Variants in SLC30A8 observed in about 807,000 individuals in gnomAD.
SLC30A8 encodes proton-coupled zinc antiporter SLC30A8.
Under a neutral mutation model 36.9 loss-of-function variants are expected in SLC30A8, and 27 were observed. The ratio of observed to expected loss-of-function variants is 0.73; its 90% CI spans 0.54 to 1.01. The LOEUF is 1.01. SLC30A8 is among the 50% of genes least tolerant of loss of function. The pLI is 0.00. For synonymous variants in SLC30A8, 164 were observed against 172.4 expected (o/e 0.95, Z 0.38); for missense variants, 439 against 452.0 (o/e 0.97, Z 0.26).
chr8:116,979,533 T>C (rs1815184394), intron 1 of SLC30A8, among the ~76,000 whole-genome samples: 1 of 152,184 alleles, frequency 6.6e-6, no homozygotes, highest in Non-Finnish European at 1.5e-5. Context: ...GTACTGGTGG[T>C]CTCAGACCCA....
intron 4 of SLC30A8, among the ~76,000 whole-genome samples, chr8:117,158,974 A>T (rs796756310): frequency 6.6e-6 from 1 of 152,244 alleles, no homozygotes; most frequent in Admixed American, 6.5e-5. Context: ...GTGGGTCCAC[A>T]TAATGACAAG....
At chr8:117,101,835 G>A (rs12677692) in intron 2 of SLC30A8, among the ~76,000 whole-genome samples, 8,968 of 152,236 alleles carry the variant, frequency 0.059, 306 homozygotes, top group East Asian at 0.12. Context: ...TCAGCTTTGG[G>A]ATTTAGACTG....
intron 2 of SLC30A8, among the ~76,000 whole-genome samples, chr8:117,077,139 G>A (rs1431411730): frequency 6.6e-6 from 1 of 152,172 alleles, no homozygotes; most frequent in African/African-American, 2.4e-5. Context: ...GGTTACTCCT[G>A]TCTGAGCTCT....
chr8:117,033,817 C>T (rs1437521644), intron 1 of SLC30A8, among the ~76,000 whole-genome samples: 14 of 152,138 alleles, frequency 9.2e-5, no homozygotes, highest in Non-Finnish European at 2.1e-4. Flanking sequence ...CAAAACCTTC[C>T]TTGAAGTCTT....
chr8:117,144,106 C>T (rs1446386725), intron 1 of SLC30A8, among the ~76,000 whole-genome samples: 2 of 152,036 alleles, frequency 1.3e-5, no homozygotes, highest in Admixed American at 6.6e-5. Flanking sequence ...TCTTCTCAGC[C>T]CAAGGAAACA....
chr8:116,966,641 G>C (rs1814609565), intron 1 of SLC30A8, among the ~76,000 whole-genome samples: 1 of 152,076 alleles, frequency 6.6e-6, no homozygotes, highest in South Asian at 2.1e-4. Context: ...AATTATAAGG[G>C]GATAAGATTC....
intron 4 of SLC30A8, among the ~76,000 whole-genome samples, chr8:117,160,626 AGAAT>A (rs1182758288): frequency 6.6e-6 from 1 of 152,232 alleles, no homozygotes; most frequent in African/African-American, 2.4e-5. Context: ...GATGAGTAAA[AGAAT>A]GAATGACAAC....
chr8:117,137,931 CA>C (rs1366957558), intron 1 of SLC30A8, among the ~76,000 whole-genome samples: 1 of 151,718 alleles, frequency 6.6e-6, no homozygotes, highest in African/African-American at 2.4e-5. Context: ...GTAATCTTTA[CA>C]GGCATTTTAC....
At chr8:117,143,339 C>A (rs1417709120) in intron 1 of SLC30A8, among the ~76,000 whole-genome samples, 1 of 151,972 alleles carries the variant, frequency 6.6e-6, no homozygotes, top group Non-Finnish European at 1.5e-5. Context: ...CAGTAAATTT[C>A]TTTGGCCTAT....
At chr8:117,121,668 C>G (rs1244136858) in intron 2 of SLC30A8, among the ~76,000 whole-genome samples, 1 of 151,924 alleles carries the variant, frequency 6.6e-6, no homozygotes, top group African/African-American at 2.4e-5. Context: ...CACAAACATT[C>G]AGACTGTAGC....
At chr8:117,097,442 T>A (rs2130845957) in intron 2 of SLC30A8, among the ~76,000 whole-genome samples, 1 of 118,900 alleles carries the variant, frequency 8.4e-6, no homozygotes, top group Non-Finnish European at 1.7e-5. Flanking sequence ...TATATAATTA[T>A]ATATTATATA....
At chr8:117,090,930 C>T (rs1819091946) in intron 2 of SLC30A8, among the ~76,000 whole-genome samples, 2 of 152,140 alleles carry the variant, frequency 1.3e-5, no homozygotes, top group South Asian at 2.1e-4. Context: ...TTGCAACACC[C>T]AGTTCAGTAC....
At chr8:117,041,660 C>T (rs1466301374) in intron 2 of SLC30A8, among the ~76,000 whole-genome samples, 1 of 151,332 alleles carries the variant, frequency 6.6e-6, no homozygotes, top group Non-Finnish European at 1.5e-5. Flanking sequence ...TTGCACTCCA[C>T]CCTGGGCAAC....
At chr8:117,102,973 A>C (rs1819793615) in intron 2 of SLC30A8, among the ~76,000 whole-genome samples, 1 of 152,116 alleles carries the variant, frequency 6.6e-6, no homozygotes, top group Non-Finnish European at 1.5e-5. Flanking sequence ...TATGTGCAAA[A>C]TACATTCCCT....
At chr8:117,044,345 C>T (rs538289245) in intron 2 of SLC30A8, among the ~76,000 whole-genome samples, 2 of 152,230 alleles carry the variant, frequency 1.3e-5, no homozygotes, top group African/African-American at 4.8e-5. Flanking sequence ...GCTGTTTGTC[C>T]TTATTAGGTG....
chr8:117,050,840 G>A (rs1563569088), intron 2 of SLC30A8, among the ~76,000 whole-genome samples: 2 of 152,246 alleles, frequency 1.3e-5, no homozygotes, highest in Non-Finnish European at 2.9e-5. Context: ...GTGGAGAAGA[G>A]CAAAGGAGTT....
intron 1 of SLC30A8, among the ~76,000 whole-genome samples, chr8:117,018,670 C>CA (rs1433176604): frequency 1.6e-5 from 2 of 123,180 alleles, no homozygotes; most frequent in East Asian, 3.1e-4. Context: ...CTAGCCCCCC[C>CA]CCCCCTTTTT....
At chr8:117,109,711 G>A (rs1820141759) in intron 2 of SLC30A8, among the ~76,000 whole-genome samples, 1 of 152,176 alleles carries the variant, frequency 6.6e-6, no homozygotes, top group South Asian at 2.1e-4. Context: ...TTGAAGACAT[G>A]TTGTTATTAA....
intron 1 of SLC30A8, among the ~76,000 whole-genome samples, chr8:116,996,522 T>A (rs932327211): frequency 2.6e-5 from 4 of 152,202 alleles, no homozygotes; most frequent in African/African-American, 9.7e-5. Flanking sequence ...TACTCTTAGC[T>A]ATACTTGTTC....
Sources: gnomAD v4.1 joint callset for allele counts (sites outside exome capture counted in the v4.1 genomes callset) on GRCh38, gnomAD v4.1.1 for gene constraint, MANE v1.5 for transcripts, NCBI Gene and HGNC (gene_info 2026-07-23, HGNC 2026-07-21) for gene names.